LYPD6B: variants seen among roughly 807,000 people sequenced by gnomAD.
The protein encoded by LYPD6B is LY6/PLAUR domain containing 6B.
A neutral mutation model predicts 22.8 loss-of-function variants in LYPD6B; 17 were observed. That is an observed-to-expected ratio of 0.75 (90% CI 0.51 to 1.12). The LOEUF is 1.12. LYPD6B is among the 50% of genes most tolerant of loss of function. LYPD6B has a pLI of 0.00. For missense variants in LYPD6B, 221 were observed against 258.3 expected, an observed-to-expected ratio of 0.86 and a Z score of 0.99; for synonymous variants, 106 against 91.6, an observed-to-expected ratio of 1.16 and a Z score of -0.90.
intron 2 of LYPD6B, among the ~76,000 whole-genome samples, chr2:149,155,733 C>G (rs1689659171): frequency 6.6e-6 from 1 of 152,134 alleles, no homozygotes; most frequent in Admixed American, 6.5e-5. Context: ...CACTGCAATC[C>G]CCTTTGAGCC....
chr2:149,107,879 A>T (rs1686554063), intron 1 of LYPD6B, among the ~76,000 whole-genome samples: 1 of 152,212 alleles, frequency 6.6e-6, no homozygotes, highest in Non-Finnish European at 1.5e-5. Context: ...CAGTTAAATC[A>T]AGTTAGTTGA....
intron 2 of LYPD6B, chr2:149,154,069 A>G: frequency 5.2e-6 from 5 of 962,564 alleles, no homozygotes; most frequent in Non-Finnish European, 6.2e-6. Flanking sequence ...TTTGTGGTAA[A>G]GATGATGTCT....
intron 5 of LYPD6B, 69 bp from the exon 6 acceptor site, chr2:149,212,923 T>G: frequency 6.7e-7 from 1 of 1,489,722 alleles, no homozygotes; most frequent in Admixed American, 2.0e-5. Context: ...TGTTAAGAGA[T>G]CTCTTTTGTA....
intron 1 of LYPD6B, among the ~76,000 whole-genome samples, chr2:149,090,355 G>A (rs1685593146): frequency 6.6e-6 from 1 of 152,086 alleles, no homozygotes; most frequent in Non-Finnish European, 1.5e-5. Flanking sequence ...CTGAACAGAG[G>A]GTCATGGTGA....
intron 1 of LYPD6B, among the ~76,000 whole-genome samples, chr2:149,109,248 C>T (rs541822534): frequency 9.2e-5 from 14 of 152,102 alleles, no homozygotes; most frequent in Non-Finnish European, 1.0e-4. Context: ...TTGTATCATA[C>T]GTCTGAAAGT....
chr2:149,131,199 G>A (rs1688008245), intron 2 of LYPD6B: 1 of 465,756 alleles, frequency 2.1e-6, no homozygotes, highest in Non-Finnish European at 3.8e-6. Flanking sequence ...ATGTTTTGAT[G>A]TAAAGGTAGC....
intron 1 of LYPD6B, among the ~76,000 whole-genome samples, chr2:149,056,478 T>G (rs1468451059): frequency 6.6e-6 from 1 of 152,082 alleles, no homozygotes; most frequent in African/African-American, 2.4e-5. Flanking sequence ...AGATTCACTT[T>G]CTACCTTGTA....
intron 3 of LYPD6B, among the ~76,000 whole-genome samples, chr2:149,189,307 A>G (rs1692324579): frequency 7.7e-6 from 1 of 130,704 alleles, no homozygotes; most frequent in Non-Finnish European, 1.6e-5. Context: ...TGGGCTAATG[A>G]GGGTATAAAA....
chr2:149,071,402 G>C (rs1052523402), intron 1 of LYPD6B, among the ~76,000 whole-genome samples: 1 of 152,084 alleles, frequency 6.6e-6, no homozygotes, highest in African/African-American at 2.4e-5. Context: ...GAGGTTCCAA[G>C]GGCTTTCAAA....
In LYPD6B at chr2:149,150,915, A is replaced by G. The variant is rs114254963; in HGVS notation, c.6-9849A>G. 3.6e-3 allele frequency among the ~76,000 whole-genome samples: 540 copies of G among 149,014 alleles called. 1 individual carries two copies. Among genetic ancestry groups the G allele is most frequent in the African/African-American group, 0.012 (477 of 40,426 alleles). On this transcript the variant is annotated intron_variant, in intron 2 of 6. Transcript: ENST00000409642. ...TTAACCCTTCTACTGATTTTTTTAA[A>G]TTTTCTAATAACTTCTTTTTACTTC...
chr2:149,068,545 C>T, intron 1 of LYPD6B: 1 of 279,106 alleles, frequency 3.6e-6, no homozygotes, highest in South Asian at 4.3e-5. Flanking sequence ...TAAAAAATTA[C>T]AAATTTTAAA....
In LYPD6B at chr2:149,069,172, T is replaced by G. The variant is rs375352324; in HGVS notation, c.-67+30371T>G. On this transcript the variant is annotated intron_variant, in intron 1 of 6. Transcript: ENST00000409642. Reference sequence around the variant, plus strand: ...CACAGGAATTTGTCCATTTTGTGGGTGGGCTGGTGGGGGTGGCCTTGGGAG... The same window carrying G: ...CACAGGAATTTGTCCATTTTGTGGGGGGGCTGGTGGGGGTGGCCTTGGGAG... Among the ~76,000 whole-genome samples, 39 of 145,920 alleles carry G rather than the reference T, an allele frequency of 2.7e-4. 1 individual carries two copies. The East Asian group carries it at 3.4e-3, about 13-fold the overall frequency.
At chr2:149,040,218 T>A (rs112754381) in intron 1 of LYPD6B, among the ~76,000 whole-genome samples, 4 of 92,532 alleles carry the variant, frequency 4.3e-5, no homozygotes, top group African/African-American at 1.4e-4. Flanking sequence ...TCTCTCTCTC[T>A]CTCTTTTTTT....
intron 1 of LYPD6B, among the ~76,000 whole-genome samples, chr2:149,076,099 C>T (rs114901230): frequency 0.016 from 2,431 of 152,058 alleles, 54 homozygotes; most frequent in African/African-American, 0.056. Context: ...TCCAGAGGCG[C>T]GGGAGAATGG....
chr2:149,162,600 T>C (rs981967684), intron 3 of LYPD6B, among the ~76,000 whole-genome samples: 2 of 152,150 alleles, frequency 1.3e-5, no homozygotes, highest in Non-Finnish European at 2.9e-5. Flanking sequence ...TTCAAGAGCA[T>C]TTAAGTAGTT....
At chr2:149,107,565 A>G (rs191390006) in intron 1 of LYPD6B, among the ~76,000 whole-genome samples, 43 of 152,308 alleles carry the variant, frequency 2.8e-4, no homozygotes, top group African/African-American at 9.6e-4. Flanking sequence ...CTGATATGAC[A>G]TGTTTTGATT....
At chr2:149,057,423 T>C (rs1408671018) in intron 1 of LYPD6B, among the ~76,000 whole-genome samples, 1 of 152,002 alleles carries the variant, frequency 6.6e-6, no homozygotes, top group Non-Finnish European at 1.5e-5. Context: ...CTTTTTTCTT[T>C]TGATTATATG....
chr2:149,158,249 A>G (rs1196121388), intron 2 of LYPD6B, among the ~76,000 whole-genome samples: 2 of 152,188 alleles, frequency 1.3e-5, no homozygotes, highest in African/African-American at 2.4e-5. Flanking sequence ...TAAGTACTCT[A>G]TAATTACTCG....
intron 1 of LYPD6B, among the ~76,000 whole-genome samples, chr2:149,098,158 C>T (rs1564631): frequency 6.6e-6 from 1 of 151,774 alleles, no homozygotes; most frequent in East Asian, 1.9e-4. Flanking sequence ...TTTCAGCACA[C>T]CTTTTTGAGC....
Sources: gnomAD v4.1 joint callset for allele counts (sites outside exome capture counted in the v4.1 genomes callset) on GRCh38, gnomAD v4.1.1 for gene constraint, MANE v1.5 for transcripts, NCBI Gene and HGNC (gene_info 2026-07-23, HGNC 2026-07-21) for gene names.